GALK2: variants seen among roughly 807,000 people sequenced by gnomAD.
GALK2 encodes the protein galactokinase 2.
GALK2 carries 36 observed loss-of-function variants against 52.4 expected under a neutral mutation model. That is an observed-to-expected ratio of 0.69 (90% CI 0.53 to 0.91). The LOEUF is 0.91. Ranked by LOEUF, GALK2 falls within the 40% of genes least tolerant of loss-of-function variation. The pLI, the probability that GALK2 is intolerant of heterozygous loss-of-function variation, is 0.00. For missense variants in GALK2, 579 were observed against 559.1 expected (o/e 1.04, Z -0.36); for synonymous variants, 176 against 199.1 (o/e 0.88, Z 0.98).
intron 8 of GALK2, among the ~76,000 whole-genome samples, chr15:49,293,939 G>T (rs935776996): frequency 9.9e-5 from 15 of 151,718 alleles, no homozygotes; most frequent in Non-Finnish European, 1.9e-4. Flanking sequence ...GCCTCTACCA[G>T]AAACACAAAA....
chr15:49,329,239 G>A lies in GALK2; in HGVS notation c.*1080G>A. 1.0e-6 allele frequency: 1 copy of A among 985,594 alleles called. No homozygotes were observed. The highest frequency in any genetic ancestry group is 1.2e-6 in the Non-Finnish European group (1 of 830,068). 61.1% of individuals were successfully genotyped at this position (985,594 alleles called of 1,614,324 possible). ...ATGGTATTGATGGGTATCTCTGTATGTATATCAAGAGTGGGCAGAAATGTT... is the reference window on the plus strand; with the variant it reads ...ATGGTATTGATGGGTATCTCTGTATATATATCAAGAGTGGGCAGAAATGTT... On this transcript the variant is annotated 3_prime_UTR_variant, in exon 10 of 10. Coordinates refer to ENST00000560031, the MANE Select transcript of GALK2 (RefSeq NM_002044.4).
chr15:49,174,809 GAAT>G (rs1279412836), intron 1 of GALK2, among the ~76,000 whole-genome samples: 1 of 152,036 alleles, frequency 6.6e-6, no homozygotes, highest in Admixed American at 6.6e-5. Context: ...GTAGTATGTT[GAAT>G]AATAATGATG....
Position 49,339,033 on chromosome 15 carries a change from C to T in GALK2, c.426+19228C>T, listed in dbSNP as rs570393594. ...TATCCTAGTTAGCAATTCATCTAACCTTTTTTCAAGGTTCTTAGCTTGCTT... is the reference window on the plus strand; with the variant it reads ...TATCCTAGTTAGCAATTCATCTAACTTTTTTTCAAGGTTCTTAGCTTGCTT... On this transcript the variant is annotated intron_variant, in intron 3 of 3. Coordinates refer to the GALK2 transcript ENST00000558399. Among the ~76,000 whole-genome samples, 9 of 152,196 alleles carry T rather than the reference C, an allele frequency of 5.9e-5. No individual in the cohort carries two copies. In the East Asian group the frequency reaches 1.7e-3, roughly 29 times the overall value.
At chr15:49,353,982 T>C (rs984114809) in intron 3 of GALK2, 2 of 152,208 alleles carry the variant, frequency 1.3e-5, no homozygotes, top group Non-Finnish European at 2.9e-5. Flanking sequence ...ATGAAGATTA[T>C]TGGAAATCAT....
intron 1 of GALK2, among the ~76,000 whole-genome samples, chr15:49,173,145 T>A (rs775926363): frequency 3.9e-5 from 6 of 152,212 alleles, no homozygotes; most frequent in Non-Finnish European, 8.8e-5. Flanking sequence ...TTCAAATGAA[T>A]GGAATCATAT....
In GALK2 at chr15:49,208,575, G is replaced by A. The variant is rs558656288; in HGVS notation, c.142+7325G>A. Among the ~76,000 whole-genome samples, 44 of 152,196 alleles carry A rather than the reference G, an allele frequency of 2.9e-4. 1 individual carries two copies. The highest frequency in any genetic ancestry group is 8.7e-4 in the African/African-American group (36 of 41,524). ...TAAGGCTTGTTTTGTGGCCCATCAC[G>A]TGGTCTATCTTGGAGAAAGTTCCAT... On this transcript the variant is annotated intron_variant, in intron 2 of 9. Transcript: ENST00000560031.
intron 1 of GALK2, among the ~76,000 whole-genome samples, chr15:49,173,352 C>T (rs550577078): frequency 6.6e-6 from 1 of 152,098 alleles, no homozygotes; most frequent in African/African-American, 2.4e-5. Context: ...TCTTTTGGCT[C>T]TTATGAATAA....
In GALK2 at chr15:49,292,505, G is replaced by A. The variant is rs778993014; in HGVS notation, c.935G>A (p.Arg312Gln). The A allele has an allele frequency of 8.1e-6, 13 of 1,613,834 alleles. No homozygotes were observed. The highest frequency in any genetic ancestry group is 1.1e-5 in the South Asian group (1 of 91,072). ...CTGGGAATTAGCCTGGAGGAACTCC[G>A]AACCCAAATCCTGAGTCCAAACACT... ...RCLGISLEEL[R>Q]TQILSPNTQD... The change falls in exon 8 of 10, where the codon CGA becomes CAA. Residue 312 changes from arginine (R) to glutamine (Q), a missense_variant. Transcript: ENST00000560031.
rs1555393690 is a variant in GALK2, at chr15:49,159,589, A to T, written c.20+3573A>T. On this transcript the variant is annotated intron_variant, in intron 1 of 9. Transcript: ENST00000327171. ...AGACTCTGTCTCAAAAAAAAAAAAA[A>T]AAATAAAATAAAATAAATAATTCCA... Among the ~76,000 whole-genome samples, 179 of 150,290 alleles carry T rather than the reference A, an allele frequency of 1.2e-3. 1 individual carries two copies. Among genetic ancestry groups the T allele is most frequent in the Middle Eastern group, 0.01 (3 of 294 alleles).
chr15:49,298,885 T>G (rs899233270), intron 8 of GALK2, among the ~76,000 whole-genome samples: 6 of 152,222 alleles, frequency 3.9e-5, no homozygotes, highest in African/African-American at 1.4e-4. Flanking sequence ...TGTTGTGTCT[T>G]TGCCAGGTTT....
intron 5 of GALK2, among the ~76,000 whole-genome samples, chr15:49,251,094 A>T (rs546647609): frequency 2.0e-5 from 3 of 152,328 alleles, no homozygotes; most frequent in Admixed American, 2.0e-4. Context: ...ACCAAATGTG[A>T]TAGCTTGATA....
intron 5 of GALK2, among the ~76,000 whole-genome samples, chr15:49,273,660 C>G (rs576076684): frequency 6.6e-6 from 1 of 151,418 alleles, no homozygotes; most frequent in East Asian, 1.9e-4. Context: ...TTAGAGTTAT[C>G]TTGGTGCCAT....
chr15:49,185,936 C>T (rs1240659622), intron 1 of GALK2, among the ~76,000 whole-genome samples: 1 of 152,116 alleles, frequency 6.6e-6, no homozygotes, highest in Non-Finnish European at 1.5e-5. Flanking sequence ...CCATTCTCTC[C>T]TAGCCTGTAA....
intron 1 of GALK2, among the ~76,000 whole-genome samples, chr15:49,179,541 C>T (rs555451965): frequency 3.9e-5 from 6 of 152,174 alleles, no homozygotes; most frequent in South Asian, 2.1e-4. Flanking sequence ...GTTAGCCACA[C>T]GGTCTGAGAG....
chr15:49,353,553 C>G (rs2042564511), intron 3 of GALK2: 1 of 151,368 alleles, frequency 6.6e-6, no homozygotes, highest in Non-Finnish European at 1.5e-5. Context: ...TCTGAAAAAT[C>G]TCATTAACAG....
At chr15:49,176,800 GCCATTCTTGTCA>G (rs1023570250) in intron 1 of GALK2, among the ~76,000 whole-genome samples, 10 of 152,184 alleles carry the variant, frequency 6.6e-5, no homozygotes, top group African/African-American at 2.4e-4. Context: ...GCTTTTGAGG[GCCATTCTTGTCA>G]AATGTAAGCA....
chr15:49,336,229 G>A (rs1187490983), downstream of GALK2, among the ~76,000 whole-genome samples: 1 of 152,234 alleles, frequency 6.6e-6, no homozygotes, highest in East Asian at 1.9e-4. Flanking sequence ...CAGAAGAAAG[G>A]TGGTAATCAG....
intron 1 of GALK2, among the ~76,000 whole-genome samples, chr15:49,196,259 T>C (rs2087223350): frequency 6.6e-6 from 1 of 152,124 alleles, no homozygotes; most frequent in Non-Finnish European, 1.5e-5. Context: ...TGCTAAAGTG[T>C]TTAGAGCTAT....
rs1434037972 is a variant in GALK2 at position 49,328,354 on chromosome 15, G to A, written c.*195G>A. 36 of 1,428,264 alleles carry A rather than the reference G, an allele frequency of 2.5e-5. No homozygotes were observed. The highest frequency in any genetic ancestry group is 3.2e-5 in the Non-Finnish European group (35 of 1,095,012). The allele number at this position is 1,428,264 out of a possible 1,614,324, so 88.5% of individuals were successfully genotyped here. On this transcript the variant is annotated 3_prime_UTR_variant, in exon 10 of 10. Coordinates refer to ENST00000560031, the MANE Select transcript of GALK2 (RefSeq NM_002044.4). The stretch of plus-strand genomic sequence containing the variant: ...GATTCTTTTTCCATCTTAAAATATG[G>A]TTTTACTATTAAGAGCCAAGATCAT...
Sources: allele counts gnomAD v4.1 joint callset (sites outside exome capture counted in the v4.1 genomes callset), GRCh38; gene constraint gnomAD v4.1.1; transcripts MANE v1.5; gene names NCBI Gene and HGNC (gene_info 2026-07-23, HGNC 2026-07-21).